The following RNF128 variants were observed in gnomAD, a reference collection of about 807,000 sequenced individuals.
The protein encoded by RNF128 is E3 ubiquitin-protein ligase RNF128.
RNF128 carries 13 observed loss-of-function variants against 26.2 expected under a neutral mutation model. That is an observed-to-expected ratio of 0.50 (90% CI 0.32 to 0.79). The LOEUF is 0.79. Ranked by LOEUF, RNF128 falls within the 30% of genes least tolerant of loss-of-function variation. The pLI is 0.03. For missense variants in RNF128, 315 were observed against 349.7 expected (o/e 0.90, Z 0.79); for synonymous variants, 149 against 142.5 (o/e 1.05, Z -0.32).
At chrX:106,756,702 A>T (rs1331226475) in intron 1 of RNF128, among the ~76,000 whole-genome samples, 1 of 110,024 alleles carries the variant, frequency 9.1e-6, no homozygotes, top group African/African-American at 3.3e-5. Context: ...CCAAAACACC[A>T]AAAGCAATGG....
At chrX:106,754,166 G>C (rs573759904) in intron 1 of RNF128, among the ~76,000 whole-genome samples, 1 of 111,859 alleles carries the variant, frequency 8.9e-6, no homozygotes, top group Non-Finnish European at 1.9e-5. Flanking sequence ...TCTTTGGCAC[G>C]TGGATCATTC....
intron 1 of RNF128, among the ~76,000 whole-genome samples, chrX:106,761,880 T>C (rs1930125868): frequency 9.1e-6 from 1 of 110,038 alleles, no homozygotes; most frequent in Non-Finnish European, 1.9e-5. Context: ...TTCATTTTAC[T>C]TTGCATCTCA....
At chrX:106,760,327 C>A in intron 1 of RNF128, among the ~76,000 whole-genome samples, 1 of 111,360 alleles carries the variant, frequency 9.0e-6, no homozygotes, top group East Asian at 2.8e-4. Flanking sequence ...GGGCAAAAGA[C>A]CTGAATAGAC....
At chrX:106,731,030 A>T (rs989695061) in intron 1 of RNF128, among the ~76,000 whole-genome samples, 3 of 112,391 alleles carry the variant, frequency 2.7e-5, no homozygotes, top group Admixed American at 9.4e-5. Context: ...TAAGGTAGGC[A>T]TAATAATAAA....
rs191499772 is a variant in RNF128, at chrX:106,764,063, C to T, written c.485-8850C>T. Among the ~76,000 whole-genome samples, 1,042 of 108,853 alleles carry T rather than the reference C, an allele frequency of 9.6e-3. 5 individuals carry two copies. The highest frequency in any genetic ancestry group is 0.015 in the Non-Finnish European group (778 of 52,243). 94.5% of individuals were successfully genotyped at this position (108,853 alleles called of 115,157 possible). ...CTGCAAGCTCCACCTCCCGGGTTCACGCCATTCTCCTGCCTCAGCCTCCCC... is the reference window on the plus strand; with the variant it reads ...CTGCAAGCTCCACCTCCCGGGTTCATGCCATTCTCCTGCCTCAGCCTCCCC... On this transcript the variant is annotated intron_variant, in intron 1 of 6. Transcript: ENST00000255499.
chrX:106,706,062 GCCTCTAA>G (rs1422062679), intron 1 of RNF128, among the ~76,000 whole-genome samples: 1 of 111,699 alleles, frequency 9.0e-6, no homozygotes. Context: ...GAAATACTAG[GCCTCTAA>G]CCTGATGCAT....
chrX:106,757,590 G>T (rs1436014127), intron 1 of RNF128, among the ~76,000 whole-genome samples: 1 of 68,269 alleles, frequency 1.5e-5, no homozygotes, highest in East Asian at 5.9e-4. Context: ...GTGGTGGGGT[G>T]GGGGGAGGGG....
chrX:106,703,103 G>A (rs2147658128), intron 1 of RNF128, among the ~76,000 whole-genome samples: 1 of 111,603 alleles, frequency 9.0e-6, no homozygotes, highest in Non-Finnish European at 1.9e-5. Context: ...AAGTGAATTC[G>A]TCTCTAGCAA....
In RNF128 at chrX:106,726,883, G is replaced by T; in HGVS notation, c.-31G>T. 1 of 1,144,209 alleles carries T rather than the reference G, an allele frequency of 8.7e-7. No individual in the cohort carries two copies. Among genetic ancestry groups the T allele is most frequent in the South Asian group, 2.1e-5 (1 of 48,504 alleles). 94.3% of individuals were successfully genotyped at this position (1,144,209 alleles called of 1,213,427 possible). A position where few individuals can be genotyped will look rare whatever the true frequency, so the allele number is the denominator to read the frequency against. On this transcript the variant is annotated 5_prime_UTR_variant, in exon 1 of 7. Coordinates refer to ENST00000255499, the MANE Select transcript of RNF128 (RefSeq NM_194463.2). ...CAAGCGCTAGGAGGGCGCGTGCCAG[G>T]GGCGCTAGGGAACTGCGGAGCGCGC...
At chrX:106,743,150 A>G (rs1929731533) in intron 1 of RNF128, among the ~76,000 whole-genome samples, 1 of 111,751 alleles carries the variant, frequency 8.9e-6, no homozygotes, top group Admixed American at 9.6e-5. Flanking sequence ...TTTGGAAGAT[A>G]TTTTCTCTAA....
intron 1 of RNF128, among the ~76,000 whole-genome samples, chrX:106,769,808 A>AT (rs1930337445): frequency 9.1e-6 from 1 of 110,201 alleles, no homozygotes; most frequent in African/African-American, 3.3e-5. Context: ...TTAGCTGGTT[A>AT]TTTTGCTCGT....
At chrX:106,713,334 C>A (rs1166323613) in intron 1 of RNF128, among the ~76,000 whole-genome samples, 1 of 109,189 alleles carries the variant, frequency 9.2e-6, no homozygotes, top group Non-Finnish European at 1.9e-5. Flanking sequence ...CAGGGCGAAA[C>A]CCCGTCTCTA....
chrX:106,729,980 G>A (rs1354002727), intron 1 of RNF128, among the ~76,000 whole-genome samples: 1 of 111,504 alleles, frequency 9.0e-6, no homozygotes, highest in South Asian at 3.8e-4. Flanking sequence ...TGTGAATTAC[G>A]AAGGGGCCAC....
chrX:106,759,813 G>T (rs1355733485), intron 1 of RNF128, among the ~76,000 whole-genome samples: 1 of 111,580 alleles, frequency 9.0e-6, no homozygotes, highest in Non-Finnish European at 1.9e-5. Flanking sequence ...AGAAATTGGG[G>T]ATTATTACTG....
intron 1 of RNF128, among the ~76,000 whole-genome samples, chrX:106,759,898 A>G (rs1202090845): frequency 4.5e-5 from 5 of 111,773 alleles, no homozygotes; most frequent in Non-Finnish European, 7.5e-5. Context: ...GTAGTCAACA[A>G]TAACTTAATG....
intron 1 of RNF128, among the ~76,000 whole-genome samples, chrX:106,755,077 A>G (rs1489162640): frequency 4.5e-5 from 5 of 112,124 alleles, no homozygotes; most frequent in Admixed American, 1.9e-4. Context: ...AAAATGGGAC[A>G]TACAACCAAT....
chrX:106,713,190 T>G (rs2147662146), intron 1 of RNF128, among the ~76,000 whole-genome samples: 1 of 102,702 alleles, frequency 9.7e-6, no homozygotes, highest in Non-Finnish European at 2.0e-5. Context: ...CCCAGCCCGA[T>G]GAAGTTAATT....
chrX:106,718,449 A>C (rs1929254426), intron 1 of RNF128, among the ~76,000 whole-genome samples: 1 of 111,415 alleles, frequency 9.0e-6, no homozygotes, highest in Non-Finnish European at 1.9e-5. Context: ...CTAGTTTACT[A>C]TGAAGAAGAT....
intron 1 of RNF128, among the ~76,000 whole-genome samples, chrX:106,715,090 A>T (rs962638082): frequency 8.9e-6 from 1 of 111,873 alleles, no homozygotes; most frequent in Non-Finnish European, 1.9e-5. Context: ...GGTGAGTTGG[A>T]TGTTAGTTTT....
Sources: gnomAD v4.1 joint callset for allele counts (sites outside exome capture counted in the v4.1 genomes callset) on GRCh38, gnomAD v4.1.1 for gene constraint, MANE v1.5 for transcripts, NCBI Gene and HGNC (gene_info 2026-07-23, HGNC 2026-07-21) for gene names.